The following SMAD5 variants were observed in gnomAD, a reference collection of about 807,000 sequenced individuals.
SMAD5 encodes MAD, mothers against decapentaplegic homolog 5.
SMAD5 carries 9 observed loss-of-function variants against 43.1 expected under a neutral mutation model. The ratio of observed to expected loss-of-function variants is 0.21; its 90% CI spans 0.13 to 0.36. The LOEUF (loss-of-function observed/expected upper bound fraction) is 0.36, where lower values mean the gene tolerates loss of function less well. Ranked by LOEUF, SMAD5 falls within the 10% of genes least tolerant of loss-of-function variation. SMAD5 has a pLI of 1.00. For missense variants in SMAD5, 348 were observed against 574.0 expected, an observed-to-expected ratio of 0.61 and a Z score of 4.02; for synonymous variants, 190 against 192.4, an observed-to-expected ratio of 0.99 and a Z score of 0.10.
chr5:136,162,751 C>T (rs1753866496), intron 4 of SMAD5, among the ~76,000 whole-genome samples: 1 of 152,226 alleles, frequency 6.6e-6, no homozygotes, highest in Non-Finnish European at 1.5e-5. Context: ...TAATAGGACA[C>T]AACAGCCATA....
chr5:136,178,345 A>G lies in SMAD5; in HGVS notation c.*865A>G, dbSNP rs556866148. On this transcript the variant is annotated 3_prime_UTR_variant, in exon 8 of 8. Coordinates refer to ENST00000545279, the MANE Select transcript of SMAD5 (RefSeq NM_005903.7). ...TTTATTTTGCACTTTTATGGGTGAC[A>G]GTTTTTAGCATAACCTTTGATAAAA... is the stretch of plus-strand genomic sequence containing the variant. 2 of 152,746 alleles carry G rather than the reference A, an allele frequency of 1.3e-5. No individual in the cohort carries two copies. Among genetic ancestry groups the G allele is most frequent in the East Asian group, 3.9e-4 (2 of 5,184 alleles). 9.5% of individuals were successfully genotyped at this position (152,746 alleles called of 1,614,324 possible).
At chr5:136,138,282 A>G (rs780584701) in intron 1 of SMAD5, among the ~76,000 whole-genome samples, 1 of 152,230 alleles carries the variant, frequency 6.6e-6, no homozygotes, top group African/African-American at 2.4e-5. Flanking sequence ...AGTGTTGGGA[A>G]TCATGAGTTC....
intron 4 of SMAD5, among the ~76,000 whole-genome samples, chr5:136,162,689 TC>T (rs1561652083): frequency 1.3e-5 from 2 of 152,202 alleles, no homozygotes; most frequent in African/African-American, 4.8e-5. Flanking sequence ...GTGTTGAAAC[TC>T]AAAGATTTTC....
intron 3 of SMAD5, among the ~76,000 whole-genome samples, chr5:136,156,904 G>T (rs1160193669): frequency 6.6e-6 from 1 of 152,110 alleles, no homozygotes. Context: ...TTCGCCCTGA[G>T]CCCAAACTCT....
Position 136,172,641 on chromosome 5 carries a change from G to A in SMAD5, c.983G>A (p.Arg328Gln), listed in dbSNP as rs749596959. Reference protein sequence around the residue: ...NRNSTIENTRRHIGKGVHLYY... With the variant: ...NRNSTIENTRQHIGKGVHLYY... The stretch of plus-strand genomic sequence containing the variant: ...AATTCGACAATTGAAAACACTAGGC[G>A]ACATATTGGAAAAGGTAATCTTGTC... Residue 328 changes from arginine (R) to glutamine (Q), a missense_variant, in exon 6 of 8, where the codon CGA becomes CAA. Coordinates refer to ENST00000545279, the MANE Select transcript of SMAD5 (RefSeq NM_005903.7). The A allele has an allele frequency of 1.9e-6, 3 of 1,595,008 alleles. No homozygotes were observed. The highest frequency in any genetic ancestry group is 1.3e-5 in the African/African-American group (1 of 74,636).
intron 5 of SMAD5, among the ~76,000 whole-genome samples, chr5:136,165,813 C>G (rs1393814145): frequency 6.6e-6 from 1 of 150,464 alleles, no homozygotes; most frequent in Non-Finnish European, 1.5e-5. Flanking sequence ...TTTTGTTTAT[C>G]TATTCATCCA....
intron 5 of SMAD5, among the ~76,000 whole-genome samples, chr5:136,168,267 TACTG>T (rs1431845712): frequency 6.6e-6 from 1 of 152,232 alleles, no homozygotes; most frequent in African/African-American, 2.4e-5. Flanking sequence ...TATTATGAGT[TACTG>T]ACTTTTATAT....
intron 1 of SMAD5, among the ~76,000 whole-genome samples, chr5:136,143,592 C>A (rs914074783): frequency 6.6e-6 from 1 of 151,924 alleles, no homozygotes; most frequent in Non-Finnish European, 1.5e-5. Context: ...CTCCCTTCCT[C>A]ATTTGGCTGA....
chr5:136,141,077 A>G (rs1753064313), intron 1 of SMAD5, among the ~76,000 whole-genome samples: 2 of 152,226 alleles, frequency 1.3e-5, no homozygotes, highest in South Asian at 2.1e-4. Flanking sequence ...TTATGGGGTG[A>G]TCAGGGAAGG....
At chr5:136,173,127 A>C (rs1754283205) in intron 6 of SMAD5, among the ~76,000 whole-genome samples, 1 of 152,190 alleles carries the variant, frequency 6.6e-6, no homozygotes, top group African/African-American at 2.4e-5. Flanking sequence ...CGGAATTAGA[A>C]ATGGGAAATC....
intron 6 of SMAD5, 81 bp downstream of exon 6, chr5:136,172,736 T>C (rs1200764391): frequency 2.1e-6 from 2 of 951,656 alleles, no homozygotes; most frequent in Non-Finnish European, 3.4e-6. Context: ...TGAAAGGTGC[T>C]AGAAACATAC....
chr5:136,174,206 T>A (rs915602208), intron 6 of SMAD5, among the ~76,000 whole-genome samples, 170 bp from the exon 7 acceptor site: 7 of 152,198 alleles, frequency 4.6e-5, no homozygotes, highest in Admixed American at 1.3e-4. Flanking sequence ...AGGCAGACAT[T>A]AACCTCTTGA....
chr5:136,152,655 T>G (rs1753509336), intron 2 of SMAD5: 1 of 152,180 alleles, frequency 6.6e-6, no homozygotes, highest in Admixed American at 6.5e-5. Context: ...TCTTACACAT[T>G]CTTTTTATTC....
At chr5:136,150,749 C>T (rs568963705) in intron 2 of SMAD5, among the ~76,000 whole-genome samples, 1 of 152,064 alleles carries the variant, frequency 6.6e-6, no homozygotes, top group African/African-American at 2.4e-5. Context: ...TAGCCAGTCT[C>T]TTAAGTCTTG....
chr5:136,161,172 G>A (rs1471771434), intron 4 of SMAD5, 65 bp downstream of exon 4: 5 of 1,484,512 alleles, frequency 3.4e-6, no homozygotes, highest in Middle Eastern at 1.8e-4. Context: ...TGTTCTTACT[G>A]TGGGCCCTCT....
At position 136,165,662 on chromosome 5, in the gene SMAD5, A is replaced by ATTT. The variant is rs58156387; in HGVS notation, c.775+2306_775+2308dup. On this transcript the variant is annotated intron_variant, in intron 5 of 7. Transcript: ENST00000545279. ...TACTTCATATAAATGGAATCATACA[A>ATTT]TTTTTTTTTTTTTTTTTTTTTTTTT... 1.3e-3 allele frequency among the ~76,000 whole-genome samples: 88 copies of ATTT among 65,426 alleles called. 1 individual carries two copies. Among genetic ancestry groups the ATTT allele is most frequent in the Non-Finnish European group, 2.0e-3 (66 of 33,240 alleles). The allele number at this position is 65,426 out of a possible 152,430, so 42.9% of individuals were successfully genotyped here. A position where few individuals can be genotyped will look rare whatever the true frequency, so the allele number is the denominator to read the frequency against.
chr5:136,135,588 T>TA (rs1346999138), intron 1 of SMAD5, among the ~76,000 whole-genome samples: 1 of 152,210 alleles, frequency 6.6e-6, no homozygotes, highest in African/African-American at 2.4e-5. Context: ...AAATACCATC[T>TA]AAAAAAATCT....
At chr5:136,149,622 C>T (rs1753383579) in intron 2 of SMAD5, among the ~76,000 whole-genome samples, 1 of 151,422 alleles carries the variant, frequency 6.6e-6, no homozygotes, top group Admixed American at 6.6e-5. Flanking sequence ...TTTTAATGTC[C>T]TCTTTTGTGA....
intron 6 of SMAD5, among the ~76,000 whole-genome samples, chr5:136,174,163 C>A (rs4146187): frequency 0.36 from 54,018 of 151,566 alleles, 10,450 homozygotes; most frequent in African/African-American, 0.53. Flanking sequence ...ATAACTTAAT[C>A]TGCTGCCTAT....
Sources: gnomAD v4.1 joint callset for allele counts (sites outside exome capture counted in the v4.1 genomes callset) on GRCh38, gnomAD v4.1.1 for gene constraint, MANE v1.5 for transcripts, NCBI Gene and HGNC (gene_info 2026-07-23, HGNC 2026-07-21) for gene names.